The following GFOD2 variants were observed in gnomAD, a reference collection of about 807,000 sequenced individuals.
GFOD2 encodes the protein Gfo/Idh/MocA-like oxidoreductase domain containing 2, also known as glucose-fructose oxidoreductase domain-containing protein 2.
GFOD2 carries 9 observed loss-of-function variants against 24.6 expected under a neutral mutation model. That is an observed-to-expected ratio of 0.37 (90% CI 0.22 to 0.64). GFOD2 has a LOEUF of 0.64. GFOD2 is among the 30% of genes least tolerant of loss of function. The probability of loss-of-function intolerance (pLI) is 0.65; values close to 1 mark genes in which losing one functional copy is unlikely to be tolerated. For missense variants in GFOD2, 476 were observed against 532.5 expected, an observed-to-expected ratio of 0.89 and a Z score of 1.04; for synonymous variants, 211 against 224.8, an observed-to-expected ratio of 0.94 and a Z score of 0.55.
At chr16:67,679,275 C>A (rs2053206160) in intron 2 of GFOD2, among the ~76,000 whole-genome samples, 1 of 150,830 alleles carries the variant, frequency 6.6e-6, no homozygotes, top group Non-Finnish European at 1.5e-5. Context: ...TCTTGTCGCC[C>A]AGGCTGGAGT....
intron 1 of GFOD2, among the ~76,000 whole-genome samples, chr16:67,687,602 A>C (rs1262611000): frequency 1.1e-4 from 16 of 147,912 alleles, no homozygotes; most frequent in Non-Finnish European, 1.6e-4. Context: ...GATCGCGCCA[A>C]TGCACTCCAG....
At chr16:67,681,030 A>G (rs1218611817) in intron 2 of GFOD2, 13 of 985,344 alleles carry the variant, frequency 1.3e-5, no homozygotes, top group Non-Finnish European at 1.6e-5. Flanking sequence ...TGCTAGCACT[A>G]CTGCTTCTGG....
chr16:67,695,639 G>A (rs1413863756), intron 1 of GFOD2, among the ~76,000 whole-genome samples: 4 of 151,150 alleles, frequency 2.6e-5, no homozygotes, highest in East Asian at 3.9e-4. Context: ...GGGTTCAAGC[G>A]GTTCTCCTGT....
chr16:67,679,519 G>A (rs1466758184), intron 2 of GFOD2, among the ~76,000 whole-genome samples: 6 of 152,186 alleles, frequency 3.9e-5, no homozygotes, highest in Admixed American at 3.3e-4. Flanking sequence ...GTGAGCCACC[G>A]CGTCGGCCCC....
chr16:67,701,919 T>C (rs1177514247), intron 1 of GFOD2, among the ~76,000 whole-genome samples: 1 of 152,054 alleles, frequency 6.6e-6, no homozygotes, highest in African/African-American at 2.4e-5. Context: ...TTGTGAATTG[T>C]TTTTTCCCAG....
intron 2 of GFOD2, chr16:67,684,982 C>A: frequency 9.9e-7 from 1 of 1,011,388 alleles, no homozygotes; most frequent in Non-Finnish European, 1.2e-6. Flanking sequence ...TCCGGCAATA[C>A]AAGACTGCAG....
chr16:67,685,333 C>T, intron 2 of GFOD2, 124 bp downstream of exon 2: 1 of 1,507,606 alleles, frequency 6.6e-7, no homozygotes, highest in South Asian at 1.3e-5. Context: ...CAAGTGATGT[C>T]CCAGAGTTCT....
chr16:67,680,555 T>G (rs2053217557), intron 2 of GFOD2: 8 of 175,440 alleles, frequency 4.6e-5, no homozygotes, highest in Non-Finnish European at 7.7e-5. Flanking sequence ...TGGTCAACCC[T>G]TCCCCCTCCT....
chr16:67,717,054 GC>G (rs2053511899), intron 1 of GFOD2, among the ~76,000 whole-genome samples: 1 of 152,060 alleles, frequency 6.6e-6, no homozygotes, highest in African/African-American at 2.4e-5. Flanking sequence ...GCACCACCAT[GC>G]CCCGATAATT....
rs148222088 is a variant in GFOD2, at chr16:67,714,277, A to G, written c.-88+4886T>C. Reference sequence around the variant, plus strand: ...AGCCGATCACTGAGGCCAGGAGTTCAAGACCAGCCTGGCCAACATGACGAA... The same window carrying G: ...AGCCGATCACTGAGGCCAGGAGTTCGAGACCAGCCTGGCCAACATGACGAA... On this transcript the variant is annotated intron_variant, in intron 1 of 2. Coordinates refer to ENST00000268797, the MANE Select transcript of GFOD2 (RefSeq NM_030819.4). Among the ~76,000 whole-genome samples, 538 of 152,032 alleles carry G rather than the reference A, an allele frequency of 3.5e-3. 1 individual carries two copies. Among genetic ancestry groups the G allele is most frequent in the Non-Finnish European group, 6.0e-3 (405 of 67,976 alleles).
In GFOD2 at chr16:67,677,188, TG is replaced by T. The variant is rs540358414; in HGVS notation, c.260-1136del. 2.3e-4 allele frequency: 35 copies of T among 152,256 alleles called. No individual in the cohort carries two copies. The East Asian group carries it at 6.4e-3, about 28-fold the overall frequency. The allele number at this position is 152,256 out of a possible 1,614,324, so 9.4% of individuals were successfully genotyped here. Reference sequence around the variant, plus strand: ...GCCCCACCCATAAGGTCTTGATACATGATCTGTGCACTCCTCCAAAATTTTC... The same window carrying T: ...GCCCCACCCATAAGGTCTTGATACATATCTGTGCACTCCTCCAAAATTTTC... On this transcript the variant is annotated intron_variant, in intron 2 of 2. Transcript: ENST00000268797.
At chr16:67,685,347 C>A in intron 2 of GFOD2, 110 bp downstream of exon 2, 1 of 1,535,922 alleles carries the variant, frequency 6.5e-7, no homozygotes, top group Non-Finnish European at 8.8e-7. Flanking sequence ...GAGTTCTCCT[C>A]CCTGCAGATG....
chr16:67,682,962 G>T, intron 2 of GFOD2: 1 of 447,276 alleles, frequency 2.2e-6, no homozygotes, highest in Non-Finnish European at 3.0e-6. Flanking sequence ...TGAGAATTTA[G>T]ATTTCTTTTT....
intron 1 of GFOD2, among the ~76,000 whole-genome samples, chr16:67,706,644 T>C (rs1033565201): frequency 3.3e-5 from 5 of 152,052 alleles, no homozygotes; most frequent in Non-Finnish European, 7.3e-5. Context: ...AATCATGGGG[T>C]AAGGATTTCT....
chr16:67,699,324 C>G (rs950894544), intron 1 of GFOD2, among the ~76,000 whole-genome samples: 1 of 151,692 alleles, frequency 6.6e-6, no homozygotes, highest in Non-Finnish European at 1.5e-5. Flanking sequence ...GCCTGGGCAA[C>G]AGAGCAAGAC....
Position 67,702,002 on chromosome 16 carries a change from C to T in GFOD2, c.-87-16200G>A, listed in dbSNP as rs369909385. ...CCAGCTTCTGCCAAACTAGAGGCCA[C>T]GACCCACTGCCTATCACAGGGGTGG... is the stretch of plus-strand genomic sequence containing the variant. On this transcript the variant is annotated intron_variant, in intron 1 of 2. Coordinates refer to ENST00000268797, the MANE Select transcript of GFOD2 (RefSeq NM_030819.4). Among the ~76,000 whole-genome samples the T allele has an allele frequency of 2.0e-4, 30 of 152,210 alleles. No individual in the cohort carries two copies. In the East Asian group the frequency reaches 2.3e-3, roughly 12 times the overall value.
intron 1 of GFOD2, among the ~76,000 whole-genome samples, chr16:67,704,233 G>C (rs930376428): frequency 3.3e-5 from 5 of 152,034 alleles, no homozygotes; most frequent in African/African-American, 7.2e-5. Context: ...GTTTAATTTG[G>C]GTGACTGTTT....
At chr16:67,704,895 T>C (rs1011813748) in intron 1 of GFOD2, among the ~76,000 whole-genome samples, 1 of 152,344 alleles carries the variant, frequency 6.6e-6, no homozygotes, top group East Asian at 1.9e-4. Flanking sequence ...ATCACAGACA[T>C]TGTGTATCGC....
chr16:67,676,851 G>A (rs2053188105), intron 2 of GFOD2: 1 of 152,246 alleles, frequency 6.6e-6, no homozygotes, highest in African/African-American at 2.4e-5. Flanking sequence ...TAGAGGATAA[G>A]CAGCTGGGAA....
Sources: gnomAD v4.1 joint callset for allele counts (sites outside exome capture counted in the v4.1 genomes callset) on GRCh38, gnomAD v4.1.1 for gene constraint, MANE v1.5 for transcripts, NCBI Gene and HGNC (gene_info 2026-07-23, HGNC 2026-07-21) for gene names.